The following CHD2 variants were observed in gnomAD, a reference collection of about 807,000 sequenced individuals.
CHD2 encodes the protein ATP-dependent chromatin remodeler CHD2.
CHD2 carries 28 observed loss-of-function variants against 243.9 expected under a neutral mutation model. That is an observed-to-expected ratio of 0.11 (90% confidence interval 0.09 to 0.16). The LOEUF (loss-of-function observed/expected upper bound fraction) is 0.16, where lower values mean the gene tolerates loss of function less well. Among genes scored for constraint, CHD2 ranks in the 10% least tolerant of loss-of-function variants. CHD2 has a pLI of 1.00. For missense variants in CHD2, 1,386 were observed against 2,209.8 expected (o/e 0.63, Z 7.47); for synonymous variants, 775 against 779.0 (o/e 0.99, Z 0.09).
intron 9 of CHD2, chr15:92,943,402 G>A (rs1257051645): frequency 3.5e-6 from 1 of 286,040 alleles, no homozygotes; most frequent in African/African-American, 2.2e-5. Flanking sequence ...GTGGACTCAG[G>A]TTTTGAATTC....
intron 5 of CHD2, among the ~76,000 whole-genome samples, chr15:92,931,903 G>C (rs144564368): frequency 3.6e-5 from 5 of 140,720 alleles, no homozygotes; most frequent in African/African-American, 1.1e-4. Context: ...TGGCTTTGTC[G>C]CCAGGCTGGG....
intron 2 of CHD2, among the ~76,000 whole-genome samples, chr15:92,915,561 A>C (rs1478671783): frequency 6.6e-6 from 1 of 152,154 alleles, no homozygotes; most frequent in Non-Finnish European, 1.5e-5. Context: ...GTGAGCCACC[A>C]CGCCCGGCCT....
At chr15:92,938,478 G>T (rs952255594) in intron 6 of CHD2, among the ~76,000 whole-genome samples, 2 of 152,078 alleles carry the variant, frequency 1.3e-5, no homozygotes, top group African/African-American at 2.4e-5. Context: ...TTACTCTCTG[G>T]CCATTTACAG....
At chr15:92,940,327 C>T (rs1327764514) in intron 7 of CHD2, among the ~76,000 whole-genome samples, 1 of 152,102 alleles carries the variant, frequency 6.6e-6, no homozygotes, top group Non-Finnish European at 1.5e-5. Context: ...TGGCGGCATG[C>T]ACCTGCAGTC....
intron 19 of CHD2, among the ~76,000 whole-genome samples, chr15:92,973,361 C>G (rs943428938): frequency 6.6e-6 from 1 of 152,130 alleles, no homozygotes; most frequent in African/African-American, 2.4e-5. Context: ...GACACATAGA[C>G]ATATACGCAA....
At chr15:92,943,166 A>C in intron 9 of CHD2, 98 bp downstream of exon 9, 5 of 971,602 alleles carry the variant, frequency 5.1e-6, no homozygotes, top group African/African-American at 1.6e-5. Flanking sequence ...CTAGAATCTC[A>C]GATTTTGCTT....
chr15:92,933,992 A>G (rs535144077), intron 5 of CHD2, among the ~76,000 whole-genome samples: 34 of 152,290 alleles, frequency 2.2e-4, no homozygotes, highest in South Asian at 4.1e-4. Flanking sequence ...TCTGTTGATC[A>G]TTGGAATTTT....
intron 5 of CHD2, among the ~76,000 whole-genome samples, chr15:92,932,585 T>C (rs1277867853): frequency 6.6e-6 from 1 of 151,918 alleles, no homozygotes; most frequent in East Asian, 1.9e-4. Context: ...AGAATGATGG[T>C]TTCTAGCTTC....
chr15:92,999,598 T>C (rs2054228517), intron 31 of CHD2, among the ~76,000 whole-genome samples: 2 of 152,208 alleles, frequency 1.3e-5, no homozygotes, highest in South Asian at 2.1e-4. Flanking sequence ...TTGATTTCCC[T>C]GTATTATTAT....
At chr15:92,978,489 A>G in intron 21 of CHD2, 106 bp downstream of exon 21, 2 of 1,144,158 alleles carry the variant, frequency 1.7e-6, no homozygotes, top group Non-Finnish European at 2.5e-6. Context: ...TTTTGCTTTT[A>G]TTTCCCCTGA....
chr15:92,912,532 TTTTTG>T (rs1012951449), intron 2 of CHD2, among the ~76,000 whole-genome samples: 2 of 151,884 alleles, frequency 1.3e-5, no homozygotes, highest in Non-Finnish European at 2.9e-5. Context: ...AATTTTTGTA[TTTTTG>T]TTTTGTTTTG....
Position 92,949,203 on chromosome 15 carries a change from A to C in CHD2, c.1502+127A>C, listed in dbSNP as rs1424259791. The C allele has an allele frequency of 8.0e-6, 12 of 1,507,340 alleles. No individual in the cohort carries two copies. In the East Asian group the frequency reaches 2.6e-4, roughly 32 times the overall value. 93.4% of individuals were successfully genotyped at this position (1,507,340 alleles called of 1,614,324 possible). ...CTCAACCAAGAAATCTTTATGCTGC[A>C]TATTACAGAAATAAAAGATGATTGA... On this transcript the variant is annotated intron_variant, in intron 13 of 38. Transcript: ENST00000394196.
chr15:92,944,100 G>A (rs1180381260), intron 9 of CHD2: 3 of 171,408 alleles, frequency 1.8e-5, no homozygotes, highest in Non-Finnish European at 3.7e-5. Context: ...GATTTGTTGA[G>A]ATGTATGAAT....
At chr15:92,915,124 T>G (rs12592113) in intron 2 of CHD2, 27,801 of 152,226 alleles carry the variant, frequency 0.18, 2,996 homozygotes, top group South Asian at 0.33. Context: ...GGAAGGAGGG[T>G]CCGTAGTGTT....
At chr15:92,966,573 A>G (rs2053766397) in intron 16 of CHD2, among the ~76,000 whole-genome samples, 1 of 152,082 alleles carries the variant, frequency 6.6e-6, no homozygotes. Context: ...TTCAGGCCAT[A>G]CCGGGTGTTA....
At chr15:92,954,806 G>T (rs975733966) in intron 14 of CHD2, among the ~76,000 whole-genome samples, 1 of 152,166 alleles carries the variant, frequency 6.6e-6, no homozygotes, top group African/African-American at 2.4e-5. Flanking sequence ...TTGTTCTCCA[G>T]TTCCTAACTT....
chr15:92,989,118 G>A (rs1211942126), intron 26 of CHD2, among the ~76,000 whole-genome samples: 2 of 137,050 alleles, frequency 1.5e-5, no homozygotes, highest in East Asian at 2.3e-4. Context: ...TGCAACCTCC[G>A]CCTCCTGGGT....
chr15:92,936,837 C>CT (rs35440500), intron 5 of CHD2, among the ~76,000 whole-genome samples: 145 of 144,704 alleles, frequency 1.0e-3, no homozygotes, highest in African/African-American at 2.3e-3. Context: ...GCCCAGAAAT[C>CT]TTTTTTTTTT....
At chr15:92,989,732 A>G (rs2054092279) in intron 26 of CHD2, among the ~76,000 whole-genome samples, 2 of 152,218 alleles carry the variant, frequency 1.3e-5, no homozygotes, top group Non-Finnish European at 2.9e-5. Context: ...CAGTTGCTCA[A>G]GGTCTTTCTC....
Sources: allele counts gnomAD v4.1 joint callset (sites outside exome capture counted in the v4.1 genomes callset), GRCh38; gene constraint gnomAD v4.1.1; transcripts MANE v1.5; gene names NCBI Gene and HGNC (gene_info 2026-07-23, HGNC 2026-07-21).